CYP51A1: variants seen among roughly 807,000 people sequenced by gnomAD.
CYP51A1 encodes the protein lanosterol 14-alpha demethylase.
A neutral mutation model predicts 53.5 loss-of-function variants in CYP51A1; 45 were observed. The ratio of observed to expected loss-of-function variants is 0.84; its 90% CI spans 0.66 to 1.08. The LOEUF is 1.08. Among genes scored for constraint, CYP51A1 ranks in the 50% least tolerant of loss-of-function variants. CYP51A1 has a pLI of 0.00. For missense variants in CYP51A1, 462 were observed against 621.7 expected (o/e 0.74, Z 2.73); for synonymous variants, 181 against 217.7 (o/e 0.83, Z 1.48).
chr7:92,133,775 GC>G (rs1177532594), intron 1 of CYP51A1, among the ~76,000 whole-genome samples: 1 of 152,020 alleles, frequency 6.6e-6, no homozygotes, highest in Non-Finnish European at 1.5e-5. Context: ...CCCACCAAGG[GC>G]CCCAACGACC....
In CYP51A1 at chr7:92,129,011, A is replaced by G; in HGVS notation, c.337T>C (p.Tyr113His). 6.2e-7 allele frequency: 1 copy of G among 1,613,956 alleles called. No individual in the cohort carries two copies. The highest frequency in any genetic ancestry group is 8.5e-7 in the Non-Finnish European group (1 of 1,179,852). ...GCAGCAGCATCACTCCCCAGAAGGTAAGTAAATGTCTTGCCTACCATGGTA... is the reference window on the plus strand; with the variant it reads ...GCAGCAGCATCACTCCCCAGAAGGTGAGTAAATGTCTTGCCTACCATGGTA... The part of the protein sequence containing the change: ...SFTMVGKTFT[Y>H]LLGSDAAALL... Residue 113 changes from tyrosine (Y) to histidine (H), a missense_variant, in exon 3 of 10, where the codon TAC becomes CAC. Coordinates refer to ENST00000003100, the MANE Select transcript of CYP51A1 (RefSeq NM_000786.4).
Position 92,128,973 on chromosome 7 carries a change from A to G in CYP51A1, c.375T>C (p.Asn125=), listed in dbSNP as rs747629429. 7.4e-6 allele frequency: 12 copies of G among 1,613,688 alleles called. No homozygotes were observed. Among genetic ancestry groups the G allele is most frequent in the Non-Finnish European group, 9.3e-6 (11 of 1,179,918 alleles). Residue 125 remains asparagine (N), a synonymous_variant, in exon 3 of 10, where the codon AAT becomes AAC. Coordinates refer to ENST00000003100, the MANE Select transcript of CYP51A1 (RefSeq NM_000786.4). The part of the protein sequence containing the change: ...LGSDAAALLF[N]SKNEDLNAED... ...CTGCATTCAGGTCTTCATTTTTACT[A>G]TTAAAAAGCAGTGCAGCAGCATCAC...
rs142544033 is a variant in CYP51A1, at chr7:92,134,434, G to A, written c.-70C>T. Reference sequence around the variant, plus strand: ...CCCAATCGACGGAACGAGAGAAGCTGGCAGATGGTCGTCCACAGGGGGCCT... The same window carrying A: ...CCCAATCGACGGAACGAGAGAAGCTAGCAGATGGTCGTCCACAGGGGGCCT... On this transcript the variant is annotated 5_prime_UTR_variant, in exon 1 of 10. Coordinates refer to ENST00000003100, the MANE Select transcript of CYP51A1 (RefSeq NM_000786.4). 102 of 1,452,604 alleles carry A rather than the reference G, an allele frequency of 7.0e-5. 1 individual carries two copies. The East Asian group carries it at 2.5e-3, about 35-fold the overall frequency. 90.0% of individuals were successfully genotyped at this position (1,452,604 alleles called of 1,614,324 possible). A position where few individuals can be genotyped will look rare whatever the true frequency, so the allele number is the denominator to read the frequency against.
At chr7:92,121,408 TTTTTAAAA>T (rs1819691407) in intron 7 of CYP51A1, among the ~76,000 whole-genome samples, 4 of 152,146 alleles carry the variant, frequency 2.6e-5, no homozygotes, top group Non-Finnish European at 5.9e-5. Flanking sequence ...GTGCAGCCAC[TTTTTAAAA>T]CAGTCTGGCA....
intron 9 of CYP51A1, among the ~76,000 whole-genome samples, chr7:92,115,052 A>G (rs1198837818): frequency 2.0e-5 from 3 of 152,234 alleles, no homozygotes; most frequent in African/African-American, 7.2e-5. Context: ...TAATCGCAAC[A>G]AGCAAGAAGT....
In CYP51A1 at chr7:92,134,214, G is replaced by C; in HGVS notation, c.151C>G (p.Arg51Gly). ...TGGACCAGGTGGCCGGCGGCCAGAC[G>C]GATCAGGTAGACCAGGCTGAGGGTG... ...AFTLSLVYLI[R>G]LAAGHLVQLP... is the part of the protein sequence containing the mutation. Residue 51 changes from arginine (R) to glycine (G), a missense_variant, in exon 1 of 10, where the codon CGT (arginine) becomes GGT (glycine). Physicochemically the swap from Arg to Gly is moderately radical, Grantham distance 125 (BLOSUM62 -2). Coordinates refer to ENST00000003100, the MANE Select transcript of CYP51A1 (RefSeq NM_000786.4). The C allele has an allele frequency of 2.5e-6, 4 of 1,613,058 alleles. No individual in the cohort carries two copies. Among genetic ancestry groups the C allele is most frequent in the Non-Finnish European group, 3.4e-6 (4 of 1,179,754 alleles).
upstream of CYP51A1, chr7:92,134,505 C>T (rs1440782175): frequency 2.4e-6 from 2 of 827,794 alleles, no homozygotes; most frequent in Non-Finnish European, 1.8e-6. Flanking sequence ...TCGGGTCCCA[C>T]GCGCGCCACC....
chr7:92,113,815 A>G lies in CYP51A1; in HGVS notation c.1380T>C (p.Phe460=), dbSNP rs1362490948. 1 of 1,606,576 alleles carries G rather than the reference A, an allele frequency of 6.2e-7. No homozygotes were observed. The highest frequency in any genetic ancestry group is 1.7e-5 in the Admixed American group (1 of 57,502). ...AGRHRCIGEN[F]AYVQIKTIWS... ...AAATTGTCTTAATTTGAACATAGGC[A>G]AAATTTTCCCCAATACAACGATGAC... The change falls in exon 10 of 10, where the codon TTT becomes TTC. Residue 460 remains phenylalanine, a synonymous_variant. Coordinates refer to ENST00000003100, the MANE Select transcript of CYP51A1 (RefSeq NM_000786.4).
Position 92,134,305 on chromosome 7 carries a change from C to A in CYP51A1, c.60G>T (p.Leu20=). 6.2e-7 allele frequency: 1 copy of A among 1,604,476 alleles called. No individual in the cohort carries two copies. Among genetic ancestry groups the A allele is most frequent in the African/African-American group, 1.3e-5 (1 of 74,728 alleles). Residue 20 remains leucine (L), a synonymous_variant, in exon 1 of 10, where the codon CTG becomes CTT. Coordinates refer to ENST00000003100, the MANE Select transcript of CYP51A1 (RefSeq NM_000786.4). ...CTGTCACCTTCTCCATCGCCTGGCCCAGCACCGACCCACCCGCCTGCAGCA... is the reference window on the plus strand; with the variant it reads ...CTGTCACCTTCTCCATCGCCTGGCCAAGCACCGACCCACCCGCCTGCAGCA... ...LGLLQAGGSV[L]GQAMEKVTGG...
In CYP51A1 at chr7:92,118,102, TA is replaced by T. The variant is rs539906997; in HGVS notation, c.1182+417del. 1.2e-4 allele frequency among the ~76,000 whole-genome samples: 18 copies of T among 152,278 alleles called. 1 individual carries two copies. The highest frequency in any genetic ancestry group is 3.8e-4 in the African/African-American group (16 of 41,576). ...AAGTGATTATTCTACTTTTTTAATT[TA>T]AAAAAATCTCTTTTATGCTACTCTA... On this transcript the variant is annotated intron_variant, in intron 8 of 9. Coordinates refer to ENST00000003100, the MANE Select transcript of CYP51A1 (RefSeq NM_000786.4).
At chr7:92,127,748 T>C (rs1366434287) in intron 3 of CYP51A1, 117 bp from the exon 4 acceptor site, 4 of 1,030,964 alleles carry the variant, frequency 3.9e-6, no homozygotes, top group Non-Finnish European at 5.8e-6. Context: ...TTTAACCCTT[T>C]GGGCATTTAC....
rs112952169 is a variant in CYP51A1 at position 92,128,428 on chromosome 7, C to CTCTGTGTGTGTGTGTGTGTGTG, written c.468+451_468+452insCACACACACACACACACACAGA. ...TATTACATTTTTGTTTGGTTGGTTT[C>CTCTGTGTGTGTGTGTGTGTGTG]TGTGTGTGTGTGTGTGTGTGTGTGT... On this transcript the variant is annotated intron_variant, in intron 3 of 9. Coordinates refer to ENST00000003100, the MANE Select transcript of CYP51A1 (RefSeq NM_000786.4). Among the ~76,000 whole-genome samples, 172 of 143,126 alleles carry CTCTGTGTGTGTGTGTGTGTGTG rather than the reference C, an allele frequency of 1.2e-3. 2 individuals carry two copies. The highest frequency in any genetic ancestry group is 4.2e-3 in the African/African-American group (161 of 38,668). 93.9% of individuals were successfully genotyped at this position (143,126 alleles called of 152,430 possible).
intron 9 of CYP51A1, among the ~76,000 whole-genome samples, chr7:92,115,997 TGGCA>T (rs1332257052): frequency 6.6e-6 from 1 of 152,196 alleles, no homozygotes; most frequent in Non-Finnish European, 1.5e-5. Flanking sequence ...TTTGGCCAGG[TGGCA>T]TGGCTCACGC....
chr7:92,112,352 A>ATAAGT lies in CYP51A1; in HGVS notation c.*1308_*1312dup, dbSNP rs1819392285. The ATAAGT allele has an allele frequency of 2.0e-5, 3 of 152,346 alleles. No homozygotes were observed. Among genetic ancestry groups the ATAAGT allele is most frequent in the African/African-American group, 7.2e-5 (3 of 41,574 alleles). The allele number at this position is 152,346 out of a possible 1,614,324, so 9.4% of individuals were successfully genotyped here. A position where few individuals can be genotyped will look rare whatever the true frequency, so the allele number is the denominator to read the frequency against. ...GTTAGGCCCCGAGTTACAATTTGAG[A>ATAAGT]TAAGTTGATTCCTAAACAGAATGTG... On this transcript the variant is annotated 3_prime_UTR_variant, in exon 10 of 10. Transcript: ENST00000003100.
chr7:92,127,781 G>A, intron 3 of CYP51A1, 150 bp from the exon 4 acceptor site: 1 of 724,980 alleles, frequency 1.4e-6, no homozygotes, highest in South Asian at 1.8e-5. Context: ...TAAATGAATA[G>A]ATCTATCTGA....
chr7:92,127,574 G>A lies in CYP51A1; in HGVS notation c.526C>T (p.Gln176Ter). ...KSGLNIAHFKQHVSIIEKETK... is the reference protein window; with the variant it reads ...KSGLNIAHFK ...TCTTTTTCAATTATAGAAACATGCT[G>A]TTTAAAGTGGGCTATGTTAAGGCCA... Residue 176 changes from glutamine (Q) to a stop codon, truncating the protein, a stop_gained, in exon 4 of 10, where the codon CAG becomes TAG. Coordinates refer to ENST00000003100, the MANE Select transcript of CYP51A1 (RefSeq NM_000786.4). LOFTEE classifies it high-confidence loss of function. 6.2e-7 allele frequency: 1 copy of A among 1,612,696 alleles called. No individual in the cohort carries two copies. Among genetic ancestry groups the A allele is most frequent in the Non-Finnish European group, 8.5e-7 (1 of 1,179,274 alleles).
rs1819723082 is a variant in CYP51A1 at position 92,123,147 on chromosome 7, C to A, written c.1059G>T (p.Glu353Asp). ...CYLEQKTVCG[E>D]NLPPLTYDQL... ...GGTCATAAGTTAAAGGAGGCAGATTCTCTCCACAGACTGTTTTCTGTTCTA... is the reference window on the plus strand; with the variant it reads ...GGTCATAAGTTAAAGGAGGCAGATTATCTCCACAGACTGTTTTCTGTTCTA... Residue 353 changes from glutamate to aspartate, a missense_variant, in exon 7 of 10, where the codon GAG (glutamate) becomes GAT (aspartate). Coordinates refer to ENST00000003100, the MANE Select transcript of CYP51A1 (RefSeq NM_000786.4). The A allele has an allele frequency of 6.2e-7, 1 of 1,613,398 alleles. No homozygotes were observed. The highest frequency in any genetic ancestry group is 8.5e-7 in the Non-Finnish European group (1 of 1,179,598).
chr7:92,113,491 A>G lies in CYP51A1; in HGVS notation c.*174T>C, dbSNP rs1330321370. On this transcript the variant is annotated 3_prime_UTR_variant, in exon 10 of 10. Coordinates refer to ENST00000003100, the MANE Select transcript of CYP51A1 (RefSeq NM_000786.4). ...ACTATTAGAAAATGTTTCAAATGCTATTATATTTGATAGAACCATTCAGTT... is the reference window on the plus strand; with the variant it reads ...ACTATTAGAAAATGTTTCAAATGCTGTTATATTTGATAGAACCATTCAGTT... The G allele has an allele frequency of 3.6e-5, 21 of 577,028 alleles. No individual in the cohort carries two copies. Among genetic ancestry groups the G allele is most frequent in the Non-Finnish European group, 6.0e-5 (20 of 336,126 alleles). 35.7% of individuals were successfully genotyped at this position (577,028 alleles called of 1,614,324 possible).
chr7:92,128,647 C>A (rs987245592), intron 3 of CYP51A1, among the ~76,000 whole-genome samples: 1 of 151,938 alleles, frequency 6.6e-6, no homozygotes, highest in Non-Finnish European at 1.5e-5. Flanking sequence ...ACCAGCCCCA[C>A]CCAGCTAATT....
Sources: allele counts gnomAD v4.1 joint callset (sites outside exome capture counted in the v4.1 genomes callset), GRCh38; gene constraint gnomAD v4.1.1; transcripts MANE v1.5; gene names NCBI Gene and HGNC (gene_info 2026-07-23, HGNC 2026-07-21).